The following NPR3 variants were observed in gnomAD, a reference collection of about 807,000 sequenced individuals.
NPR3 encodes natriuretic peptide receptor 3, also known as atrial natriuretic peptide receptor 3.
In NPR3, 34 loss-of-function variants were observed where a neutral mutation model predicts 54.5. The observed-to-expected ratio is 0.62, with a 90% CI of 0.47 to 0.83. The LOEUF (loss-of-function observed/expected upper bound fraction) is 0.83, where lower values mean the gene tolerates loss of function less well. Ranked by LOEUF, NPR3 falls within the 40% of genes least tolerant of loss-of-function variation. NPR3 has a pLI of 0.00. For missense variants in NPR3, 674 were observed against 720.8 expected (o/e 0.94, Z 0.74); for synonymous variants, 289 against 297.1 (o/e 0.97, Z 0.28).
intron 1 of NPR3, among the ~76,000 whole-genome samples, chr5:32,697,488 G>A (rs1209567474): frequency 6.6e-6 from 1 of 151,632 alleles, no homozygotes; most frequent in Admixed American, 6.6e-5. Context: ...TGGTGTCAGG[G>A]TTAACACTGG....
chr5:32,763,712 C>CT (rs1741295702), intron 3 of NPR3, among the ~76,000 whole-genome samples: 1 of 152,158 alleles, frequency 6.6e-6, no homozygotes, highest in Non-Finnish European at 1.5e-5. Flanking sequence ...CTCCAGGTCA[C>CT]TTTCTACTCA....
chr5:32,710,892 A>ATGTGTGTGTG (rs1172730482), upstream of NPR3: 2 of 850,216 alleles, frequency 2.4e-6, no homozygotes, highest in Non-Finnish European at 3.1e-6. Context: ...GTGTGTGTGT[A>ATGTGTGTGTG]TATGTGTGTG....
intron 1 of NPR3, among the ~76,000 whole-genome samples, chr5:32,692,478 G>A (rs1283280332): frequency 6.6e-6 from 1 of 152,182 alleles, no homozygotes; most frequent in Non-Finnish European, 1.5e-5. Context: ...AACTGAATAG[G>A]AACAATGTCA....
At chr5:32,753,182 T>C (rs1476689834) in intron 3 of NPR3, among the ~76,000 whole-genome samples, 1 of 152,256 alleles carries the variant, frequency 6.6e-6, no homozygotes, top group Non-Finnish European at 1.5e-5. Context: ...CACTGTTTTT[T>C]TTCCATTATG....
At chr5:32,767,283 G>C (rs965292679) in intron 3 of NPR3, among the ~76,000 whole-genome samples, 1 of 152,146 alleles carries the variant, frequency 6.6e-6, no homozygotes. Flanking sequence ...CCCACTCAAC[G>C]TTTTCTTGAG....
chr5:32,710,474 G>T, upstream of NPR3: 1 of 529,528 alleles, frequency 1.9e-6, no homozygotes, highest in Non-Finnish European at 3.0e-6. Context: ...CCTCGCCTTT[G>T]GGAGCAACAA....
chr5:32,724,818 A>G lies in NPR3; in HGVS notation c.890A>G (p.Tyr297Cys), dbSNP rs1367375248. The change falls in exon 2 of 8, where the codon TAT (tyrosine) becomes TGT (cysteine). Residue 297 changes from tyrosine to cysteine, a missense_variant and splice_region_variant. Tyr to Cys is a radical substitution (Grantham distance 194, BLOSUM62 -2). Transcript: ENST00000265074. ...FNIELFNSSSYGDGSWKRGDK... is the reference protein window; with the variant it reads ...FNIELFNSSSCGDGSWKRGDK... The stretch of plus-strand genomic sequence containing the variant: ...ATTGAGCTCTTCAACAGCTCTTCCT[A>G]TGGTAACTCTGCTTCCACTTTCCCC... The G allele has an allele frequency of 6.2e-7, 1 of 1,613,584 alleles. No individual in the cohort carries two copies. Among genetic ancestry groups the G allele is most frequent in the Non-Finnish European group, 8.5e-7 (1 of 1,179,824 alleles).
chr5:32,739,100 CAG>C (rs1739906564), intron 3 of NPR3, 70 bp downstream of exon 3: 1 of 1,477,174 alleles, frequency 6.8e-7, no homozygotes, highest in African/African-American at 1.4e-5. Context: ...TCAGAGATGA[CAG>C]AGTGTCCCAT....
At chr5:32,745,651 G>C (rs1332111437) in intron 3 of NPR3, among the ~76,000 whole-genome samples, 1 of 152,186 alleles carries the variant, frequency 6.6e-6, no homozygotes, top group Non-Finnish European at 1.5e-5. Context: ...CTACACGTGA[G>C]CCTGGCAGCA....
rs1352211987 is a variant in NPR3, at chr5:32,782,948, A to G, written c.1346A>G (p.Lys449Arg). The change falls in exon 6 of 8, where the codon AAA becomes AGA. Residue 449 changes from lysine (K) to arginine (R), a missense_variant. By Grantham distance (26) the Lys-to-Arg change is conservative. Transcript: ENST00000265074. ...CGTTTTGAAATGCGGCCGAATGTCAAATATCCTTGGGGCCCTTTAAAACTG... is the reference window on the plus strand; with the variant it reads ...CGTTTTGAAATGCGGCCGAATGTCAGATATCCTTGGGGCCCTTTAAAACTG... Reference protein sequence around the residue: ...EGRFEMRPNVKYPWGPLKLRI... With the variant: ...EGRFEMRPNVRYPWGPLKLRI... 1.9e-6 allele frequency: 3 copies of G among 1,611,642 alleles called. No homozygotes were observed. Among genetic ancestry groups the G allele is most frequent in the African/African-American group, 2.7e-5 (2 of 75,026 alleles).
chr5:32,711,632 T>G lies in NPR3; in HGVS notation c.-145T>G. The G allele has an allele frequency of 1.6e-6, 2 of 1,255,856 alleles. No individual in the cohort carries two copies. The highest frequency in any genetic ancestry group is 3.1e-5 in the African/African-American group (2 of 64,328). 77.8% of individuals were successfully genotyped at this position (1,255,856 alleles called of 1,614,324 possible). A position where few individuals can be genotyped will look rare whatever the true frequency, so the allele number is the denominator to read the frequency against. On this transcript the variant is annotated 5_prime_UTR_variant, in exon 1 of 8. Coordinates refer to ENST00000265074, the MANE Select transcript of NPR3 (RefSeq NM_001204375.2). ...CGCTTCCTCTCTATCTTTTGGCGCA[T>G]TAGTGAAGGGGGTATTCTATTTTGT... is the stretch of plus-strand genomic sequence containing the variant.
chr5:32,724,761 G>A lies in NPR3; in HGVS notation c.833G>A (p.Gly278Asp), dbSNP rs1286504322. 3 of 1,613,888 alleles carry A rather than the reference G, an allele frequency of 1.9e-6. No individual in the cohort carries two copies. The highest frequency in any genetic ancestry group is 2.2e-5 in the South Asian group (2 of 91,070). Residue 278 changes from glycine to aspartate, a missense_variant, in exon 2 of 8, where the codon GGC (glycine) becomes GAC (aspartate). Physicochemically the swap from Gly to Asp is moderately conservative, Grantham distance 94 (BLOSUM62 -1). Transcript: ENST00000265074. Reference sequence around the variant, plus strand: ...ATCATGCTGGTGGCGCACAGGCATGGCATGACCAGTGGAGACTACGCCTTC... The same window carrying A: ...ATCATGCTGGTGGCGCACAGGCATGACATGACCAGTGGAGACTACGCCTTC... ...RSIMLVAHRH[G>D]MTSGDYAFFN...
chr5:32,735,219 A>T (rs975750843), intron 2 of NPR3, among the ~76,000 whole-genome samples: 14 of 151,956 alleles, frequency 9.2e-5, no homozygotes, highest in Admixed American at 7.9e-4. Flanking sequence ...CCCTAACTGA[A>T]ATAATCATTT....
chr5:32,744,556 C>T (rs1027677956), intron 3 of NPR3, among the ~76,000 whole-genome samples: 3 of 152,192 alleles, frequency 2.0e-5, no homozygotes, highest in African/African-American at 2.4e-5. Flanking sequence ...AAGCATTCAT[C>T]GGTGCTTACC....
intron 2 of NPR3, among the ~76,000 whole-genome samples, chr5:32,729,863 T>G (rs1739367482): frequency 6.6e-6 from 1 of 152,226 alleles, no homozygotes. Flanking sequence ...CCTCTAATGT[T>G]ACCAAATAAC....
intron 1 of NPR3, among the ~76,000 whole-genome samples, chr5:32,702,889 G>A (rs541687990): frequency 6.6e-6 from 1 of 152,262 alleles, no homozygotes; most frequent in African/African-American, 2.4e-5. Context: ...CAATGTAAAA[G>A]TGTTCCTATT....
intron 2 of NPR3, among the ~76,000 whole-genome samples, chr5:32,730,626 C>T (rs938883864): frequency 2.0e-5 from 3 of 152,114 alleles, no homozygotes; most frequent in Non-Finnish European, 4.4e-5. Context: ...TTAGCAAGGT[C>T]CCACCATACA....
intron 6 of NPR3, 140 bp from the exon 7 acceptor site, chr5:32,784,655 AG>A (rs2112076321): frequency 1.6e-6 from 1 of 640,336 alleles, no homozygotes; most frequent in African/African-American, 1.8e-5. Context: ...AAACAAGTGT[AG>A]GGTCCCTTAG....
chr5:32,731,942 T>C (rs1269565406), intron 2 of NPR3, among the ~76,000 whole-genome samples: 1 of 152,090 alleles, frequency 6.6e-6, no homozygotes, highest in African/African-American at 2.4e-5. Context: ...TCAATCTTAG[T>C]GCATAAAATC....
Sources: gnomAD v4.1 joint callset for allele counts (sites outside exome capture counted in the v4.1 genomes callset) on GRCh38, gnomAD v4.1.1 for gene constraint, MANE v1.5 for transcripts, NCBI Gene and HGNC (gene_info 2026-07-23, HGNC 2026-07-21) for gene names.